USP34: variants seen among roughly 807,000 people sequenced by gnomAD.
The protein encoded by USP34 is ubiquitin specific peptidase 34, also known as ubiquitin carboxyl-terminal hydrolase 34.
A neutral mutation model predicts 460.3 loss-of-function variants in USP34; 70 were observed. That is an observed-to-expected ratio of 0.15 (90% confidence interval 0.13 to 0.19). The LOEUF (loss-of-function observed/expected upper bound fraction) is 0.19, where lower values mean the gene tolerates loss of function less well. USP34 is among the 10% of genes least tolerant of loss of function. USP34 has a pLI of 1.00. For missense variants in USP34, 3,985 were observed against 4,236.2 expected, an observed-to-expected ratio of 0.94 and a Z score of 1.65; for synonymous variants, 1,647 against 1,405.3, an observed-to-expected ratio of 1.17 and a Z score of -3.85.
In USP34 at chr2:61,241,400, G is replaced by A. The variant is rs117898890; in HGVS notation, c.6777+160C>T. ...TTTAATCTCATTCATTTTCATTTAC[G>A]GGTCTTATATCAGTATTACCAAGAC... On this transcript the variant is annotated intron_variant, in intron 53 of 79. Coordinates refer to ENST00000398571, the MANE Select transcript of USP34 (RefSeq NM_014709.4). Among the ~76,000 whole-genome samples, 1,161 of 151,936 alleles carry A rather than the reference G, an allele frequency of 7.6e-3. 10 individuals carry two copies. The highest frequency in any genetic ancestry group is 0.025 in the African/African-American group (1,034 of 41,396).
chr2:61,273,444 C>T (rs1003494626), intron 41 of USP34, among the ~76,000 whole-genome samples: 4 of 152,148 alleles, frequency 2.6e-5, no homozygotes, highest in Non-Finnish European at 4.4e-5. Context: ...CTTGGTCAGG[C>T]GTGGTGGCTC....
At chr2:61,358,519 T>C (rs1273278878) in intron 10 of USP34, among the ~76,000 whole-genome samples, 1 of 151,986 alleles carries the variant, frequency 6.6e-6, no homozygotes, top group Non-Finnish European at 1.5e-5. Flanking sequence ...ACAGGCAATA[T>C]CATACTCAAT....
At chr2:61,393,155 G>A (rs1393906980) in intron 5 of USP34, among the ~76,000 whole-genome samples, 5 of 152,114 alleles carry the variant, frequency 3.3e-5, no homozygotes, top group African/African-American at 7.2e-5. Flanking sequence ...CTCAGATCAC[G>A]CAAAGTGGCT....
chr2:61,334,756 T>C (rs1321945857), intron 18 of USP34, among the ~76,000 whole-genome samples: 1 of 152,168 alleles, frequency 6.6e-6, no homozygotes, highest in Non-Finnish European at 1.5e-5. Flanking sequence ...CAGTGAATAA[T>C]GGTGTGGTTC....
At chr2:61,469,317 C>T (rs1695876823) in intron 1 of USP34, among the ~76,000 whole-genome samples, 1 of 152,182 alleles carries the variant, frequency 6.6e-6, no homozygotes, top group South Asian at 2.1e-4. Flanking sequence ...CATAATCACA[C>T]GACTTGTATG....
intron 75 of USP34, 167 bp from the exon 76 acceptor site, chr2:61,193,147 C>T (rs1686689182): frequency 3.5e-6 from 2 of 569,130 alleles, no homozygotes; most frequent in South Asian, 2.6e-5. Context: ...AGTGAAATAT[C>T]TTAGAATGTG....
chr2:61,470,469 C>A (rs1022637964), intron 1 of USP34, among the ~76,000 whole-genome samples, 181 bp downstream of exon 1: 12 of 148,790 alleles, frequency 8.1e-5, no homozygotes, highest in Admixed American at 3.3e-4. Context: ...GGTAACCCGG[C>A]CGGGCTGGGC....
chr2:61,283,508 CAATTT>C, intron 35 of USP34, 59 bp from the exon 36 acceptor site: 2 of 1,545,256 alleles, frequency 1.3e-6, no homozygotes, highest in Non-Finnish European at 1.8e-6. Flanking sequence ...AAAAATAATT[CAATTT>C]ATTAACATAT....
Position 61,228,927 on chromosome 2 carries a change from G to C in USP34, c.7268C>G (p.Thr2423Ser). The C allele has an allele frequency of 6.2e-7, 1 of 1,610,398 alleles. No homozygotes were observed. Among genetic ancestry groups the C allele is most frequent in the East Asian group, 2.2e-5 (1 of 44,812 alleles). Residue 2423 changes from threonine (T) to serine (S), a missense_variant, in exon 60 of 80, where the codon ACC becomes AGC. Physicochemically the swap from Thr to Ser is moderately conservative, Grantham distance 58. Coordinates refer to ENST00000398571, the MANE Select transcript of USP34 (RefSeq NM_014709.4). ...ACCATGTTCCATAATTAATAACAGGGTTCTCACAAAGCGAGTGACACATGA... is the reference window on the plus strand; with the variant it reads ...ACCATGTTCCATAATTAATAACAGGCTTCTCACAAAGCGAGTGACACATGA... The part of the protein sequence containing the change: ...GRSCVTRFVR[T>S]LLLIMEHGVK...
chr2:61,338,095 G>A (rs1051983900), intron 18 of USP34, among the ~76,000 whole-genome samples: 2 of 152,214 alleles, frequency 1.3e-5, no homozygotes, highest in African/African-American at 2.4e-5. Context: ...GCCAAGGCAG[G>A]AGGATCACCT....
chr2:61,439,238 C>T (rs946221198), intron 1 of USP34, among the ~76,000 whole-genome samples: 10 of 152,138 alleles, frequency 6.6e-5, no homozygotes, highest in East Asian at 1.9e-4. Context: ...AGGGCAAAAC[C>T]GTGTCTCTAC....
chr2:61,206,983 C>A (rs1011565180), intron 70 of USP34, 97 bp from the exon 71 acceptor site: 20 of 1,334,368 alleles, frequency 1.5e-5, no homozygotes, highest in Non-Finnish European at 1.7e-5. Flanking sequence ...TGTTTTCAGA[C>A]TCAGACTGTG....
intron 53 of USP34, among the ~76,000 whole-genome samples, chr2:61,239,133 C>G (rs1359845666): frequency 6.6e-6 from 1 of 152,008 alleles, no homozygotes; most frequent in African/African-American, 2.4e-5. Context: ...TGTTCACTTT[C>G]TCCCTCTCCT....
chr2:61,303,697 C>G (rs563430351), intron 27 of USP34, among the ~76,000 whole-genome samples: 1 of 148,696 alleles, frequency 6.7e-6, no homozygotes, highest in Non-Finnish European at 1.5e-5. Context: ...CCTGGGTTCA[C>G]GCCATTCTCC....
chr2:61,426,903 T>C (rs1002035854), intron 1 of USP34, among the ~76,000 whole-genome samples: 16 of 151,886 alleles, frequency 1.1e-4, no homozygotes, highest in Admixed American at 1.3e-4. Context: ...AGAACAAGAG[T>C]CTCCACCTGG....
intron 37 of USP34, among the ~76,000 whole-genome samples, chr2:61,282,427 C>G (rs1339278345): frequency 6.6e-6 from 1 of 152,128 alleles, no homozygotes; most frequent in Non-Finnish European, 1.5e-5. Context: ...GCCTCAGTGT[C>G]AACATGGGAA....
At chr2:61,451,005 G>A (rs939721484) in intron 1 of USP34, among the ~76,000 whole-genome samples, 18 of 150,780 alleles carry the variant, frequency 1.2e-4, no homozygotes, top group African/African-American at 3.9e-4. Context: ...GGATCACGAG[G>A]TCAAGAGTTC....
chr2:61,377,763 C>T (rs575203609), intron 8 of USP34, among the ~76,000 whole-genome samples: 2 of 152,298 alleles, frequency 1.3e-5, no homozygotes, highest in East Asian at 3.9e-4. Context: ...GCAGCCTGGA[C>T]TAAGACAGTG....
rs754901328 is a variant in USP34, at chr2:61,314,881, T to C, written c.3376A>G (p.Ile1126Val). The C allele has an allele frequency of 1.1e-5, 17 of 1,608,844 alleles. 1 individual carries two copies. The East Asian group carries it at 3.8e-4, about 36-fold the overall frequency. ...AAIQYINSYY[I>V]NGKTGLEKEQ... is the part of the protein sequence containing the mutation. ...AATGTTTCAAATCACTTACCATTAA[T>C]ATAATAGGAGTTAATATACTGGATA... Residue 1126 changes from isoleucine (I) to valine (V), a missense_variant, in exon 24 of 80, where the codon ATT becomes GTT. Transcript: ENST00000398571.
Sources: allele counts gnomAD v4.1 joint callset (sites outside exome capture counted in the v4.1 genomes callset), GRCh38; gene constraint gnomAD v4.1.1; transcripts MANE v1.5; gene names NCBI Gene and HGNC (gene_info 2026-07-23, HGNC 2026-07-21).